The following FIRRM variants were observed in gnomAD, a reference collection of about 807,000 sequenced individuals.
The protein encoded by FIRRM is FIGNL1 interacting regulator of recombination and mitosis.
At chr1:169,830,968 G>T in the FIRRM span, among the ~76,000 whole-genome samples, 2 of 152,262 alleles carry the variant, frequency 1.3e-5, no homozygotes, top group African/African-American at 4.8e-5. Context: ...AGGATTTTAT[G>T]TAATTTCAGT....
the FIRRM span, chr1:169,800,803 T>C: frequency 1.6e-6 from 1 of 625,126 alleles, no homozygotes; most frequent in Non-Finnish European, 2.8e-6. Context: ...ATTGGTAGTA[T>C]TCTTGCATTT....
At chr1:169,853,624 G>A in the FIRRM span, 6 of 1,421,682 alleles carry the variant, frequency 4.2e-6, no homozygotes, top group South Asian at 2.4e-5. Context: ...CCACTTTGGG[G>A]TTTTCTTGTC....
the FIRRM span, chr1:169,850,367 T>C: frequency 1.3e-6 from 2 of 1,502,542 alleles, no homozygotes; most frequent in African/African-American, 1.4e-5. Context: ...ACATGGCTCA[T>C]GTTTTATTCT....
the FIRRM span, among the ~76,000 whole-genome samples, chr1:169,796,326 A>G: frequency 1.2e-4 from 18 of 152,372 alleles, no homozygotes; most frequent in Non-Finnish European, 2.1e-4. Flanking sequence ...GAGAACAGAG[A>G]CACGGAACGT....
chr1:169,798,321 G>A, the FIRRM span, among the ~76,000 whole-genome samples: 1 of 151,004 alleles, frequency 6.6e-6, no homozygotes. Flanking sequence ...ATGCTGGAGT[G>A]CAATGGCGCG....
At chr1:169,852,871 G>A in the FIRRM span, 1 of 1,614,134 alleles carries the variant, frequency 6.2e-7, no homozygotes, top group Non-Finnish European at 8.5e-7. Context: ...AGGGGCTTTG[G>A]AAGCAACTGA....
the FIRRM span, among the ~76,000 whole-genome samples, chr1:169,820,825 C>G: frequency 9.2e-5 from 14 of 152,072 alleles, no homozygotes; most frequent in Non-Finnish European, 1.9e-4. Context: ...GGAAAGGGGT[C>G]CTGATCCAGA....
At chr1:169,804,400 A>G in the FIRRM span, 2 of 551,890 alleles carry the variant, frequency 3.6e-6, no homozygotes, top group Non-Finnish European at 2.7e-6. Flanking sequence ...GGAATTTGTA[A>G]AATTTATTTT....
chr1:169,798,486 T>G, the FIRRM span, among the ~76,000 whole-genome samples: 1 of 151,944 alleles, frequency 6.6e-6, no homozygotes, highest in Non-Finnish European at 1.5e-5. Flanking sequence ...GCCAGGCTGG[T>G]CTTCAACTCC....
At chr1:169,853,723 T>A in the FIRRM span, 3 of 1,613,786 alleles carry the variant, frequency 1.9e-6, no homozygotes. Flanking sequence ...TCACCAGTTA[T>A]TATCTTCCCA....
the FIRRM span, among the ~76,000 whole-genome samples, chr1:169,837,604 AT>A: frequency 6.6e-6 from 1 of 152,192 alleles, no homozygotes; most frequent in African/African-American, 2.4e-5. Context: ...TGTAGTTGAA[AT>A]TTCGAGTTTA....
the FIRRM span, among the ~76,000 whole-genome samples, chr1:169,830,978 T>C: frequency 6.6e-6 from 1 of 152,198 alleles, no homozygotes. Context: ...GTAATTTCAG[T>C]AATTGTTCTG....
chr1:169,832,574 T>C, the FIRRM span: 2 of 1,095,464 alleles, frequency 1.8e-6, no homozygotes, highest in African/African-American at 1.6e-5. Context: ...ACTCCTTTGA[T>C]AGCCTTTTTT....
At chr1:169,790,317 G>C in the FIRRM span, among the ~76,000 whole-genome samples, 1 of 151,872 alleles carries the variant, frequency 6.6e-6, no homozygotes, top group Non-Finnish European at 1.5e-5. Context: ...CTCTCTAATA[G>C]CTCGGATTAC....
At chr1:169,826,142 G>A in the FIRRM span, 20 of 245,092 alleles carry the variant, frequency 8.2e-5, no homozygotes, top group African/African-American at 4.1e-4. Flanking sequence ...GCGAAATCTC[G>A]GCTCACTGCA....
At chr1:169,805,574 T>C in the FIRRM span, among the ~76,000 whole-genome samples, 1 of 152,182 alleles carries the variant, frequency 6.6e-6, no homozygotes, top group African/African-American at 2.4e-5. Flanking sequence ...TTGTGGCCAT[T>C]TTTATAAATA....
At chr1:169,793,628 C>T in the FIRRM span, 3 of 1,614,098 alleles carry the variant, frequency 1.9e-6, no homozygotes. Context: ...GGTCAAAGCT[C>T]CATCTCTAAT....
chr1:169,827,036 T>C, the FIRRM span: 2 of 1,608,078 alleles, frequency 1.2e-6, no homozygotes, highest in South Asian at 1.1e-5. Flanking sequence ...GAGTTTTTTT[T>C]CTCTCCCTTC....
the FIRRM span, chr1:169,851,987 C>CTTT: frequency 6.2e-7 from 1 of 1,612,786 alleles, no homozygotes; most frequent in South Asian, 1.1e-5. Context: ...AAATTCTGCC[C>CTTT]TTTTTACTTA....
Sources: gnomAD v4.1 joint callset for allele counts (sites outside exome capture counted in the v4.1 genomes callset) on GRCh38, gnomAD v4.1.1 for gene constraint, MANE v1.5 for transcripts, NCBI Gene and HGNC (gene_info 2026-07-23, HGNC 2026-07-21) for gene names.